Variants in RIMS2 observed in about 807,000 individuals in gnomAD.
RIMS2 encodes regulating synaptic membrane exocytosis protein 2.
A neutral mutation model predicts 174.4 loss-of-function variants in RIMS2; 59 were observed. The ratio of observed to expected loss-of-function variants is 0.34; its 90% CI spans 0.27 to 0.42. The LOEUF is 0.42. RIMS2 is among the 10% of genes least tolerant of loss of function. RIMS2 has a pLI of 1.00. For synonymous variants in RIMS2, 606 were observed against 572.5 expected, an observed-to-expected ratio of 1.06 and a Z score of -0.84; for missense variants, 1,620 against 1,666.3, an observed-to-expected ratio of 0.97 and a Z score of 0.48.
chr8:104,065,325 G>A (rs1185256427), intron 19 of RIMS2, among the ~76,000 whole-genome samples: 3 of 152,030 alleles, frequency 2.0e-5, no homozygotes, highest in African/African-American at 7.2e-5. Flanking sequence ...TCCTCAACTA[G>A]TGAACAGCCC....
At chr8:103,752,381 G>A (rs1343428706) in intron 2 of RIMS2, among the ~76,000 whole-genome samples, 3 of 152,166 alleles carry the variant, frequency 2.0e-5, no homozygotes, top group Non-Finnish European at 4.4e-5. Flanking sequence ...AAGTCAGGTA[G>A]CGTGATGCCT....
In RIMS2 at chr8:103,512,945, A is replaced by C. The variant is rs552822121; in HGVS notation, c.176+11883A>C. Among the ~76,000 whole-genome samples the C allele has an allele frequency of 9.2e-5, 14 of 152,276 alleles. No homozygotes were observed. The South Asian group carries it at 2.7e-3, about 29-fold the overall frequency. ...AAGCTGATAAACTAAATCAGCAGGAAATTTTTTTTTGAAGGTTAGGTACAA... is the reference window on the plus strand; with the variant it reads ...AAGCTGATAAACTAAATCAGCAGGACATTTTTTTTTGAAGGTTAGGTACAA... On this transcript the variant is annotated intron_variant, in intron 1 of 23. Coordinates refer to ENST00000504942, the Ensembl canonical transcript of RIMS2.
intron 3 of RIMS2, among the ~76,000 whole-genome samples, chr8:103,882,475 G>T (rs1294614644): frequency 6.6e-6 from 1 of 151,550 alleles, no homozygotes; most frequent in Non-Finnish European, 1.5e-5. Flanking sequence ...CTCGCATAGT[G>T]TTAACATACT....
intron 19 of RIMS2, among the ~76,000 whole-genome samples, chr8:104,205,882 A>G (rs534826726): frequency 1.7e-4 from 26 of 152,052 alleles, no homozygotes; most frequent in African/African-American, 6.0e-4. Context: ...CAGCCTCCCA[A>G]GTAGCTGGGA....
At chr8:104,097,060 T>C (rs1437736702) in intron 19 of RIMS2, among the ~76,000 whole-genome samples, 3 of 152,186 alleles carry the variant, frequency 2.0e-5, no homozygotes, top group African/African-American at 7.2e-5. Context: ...ACAGATTGTT[T>C]AAACATTAAT....
At chr8:104,053,096 C>G (rs1230679961) in intron 19 of RIMS2, among the ~76,000 whole-genome samples, 1 of 152,102 alleles carries the variant, frequency 6.6e-6, no homozygotes, top group African/African-American at 2.4e-5. Flanking sequence ...TTCTAGTAAC[C>G]TTTGAGAGAT....
chr8:103,910,183 G>A (rs767585387), exon 5 of RIMS2: 2 of 1,610,842 alleles, frequency 1.2e-6, no homozygotes, highest in East Asian at 4.5e-5. Flanking sequence ...ATAGCAGTGA[G>A]GCATCCCCAA....
chr8:104,150,301 G>T lies in RIMS2; in HGVS notation c.3335-94615G>T, dbSNP rs538943165. Among the ~76,000 whole-genome samples, 46 of 152,206 alleles carry T rather than the reference G, an allele frequency of 3.0e-4. 1 individual carries two copies. The South Asian group carries it at 4.6e-3, about 15-fold the overall frequency. ...AAATAATTAATTCCATTCACTCAGG[G>T]TTCTTATTTATAAGTATTGAACGCT... On this transcript the variant is annotated intron_variant, in intron 19 of 23. Transcript: ENST00000504942.
intron 19 of RIMS2, among the ~76,000 whole-genome samples, chr8:104,085,800 A>G (rs2097527178): frequency 1.3e-5 from 2 of 152,276 alleles, no homozygotes; most frequent in African/African-American, 4.8e-5. Context: ...CCTACAGTGC[A>G]GGGAACATAA....
rs1308063347 is a variant in RIMS2 at position 103,872,149 on chromosome 8, T to C, written c.699-13149T>C. On this transcript the variant is annotated intron_variant, in intron 3 of 23. Coordinates refer to ENST00000504942, the Ensembl canonical transcript of RIMS2. ...TCCATGGCTGAGTTTAAGCTACCAATGTGACATCACTGAACACAGAATTGG... is the reference window on the plus strand; with the variant it reads ...TCCATGGCTGAGTTTAAGCTACCAACGTGACATCACTGAACACAGAATTGG... Among the ~76,000 whole-genome samples, 5 of 152,340 alleles carry C rather than the reference T, an allele frequency of 3.3e-5. No homozygotes were observed. The East Asian group carries it at 7.7e-4, about 24-fold the overall frequency.
intron 2 of RIMS2, among the ~76,000 whole-genome samples, chr8:103,765,327 A>G (rs930307498): frequency 4.6e-5 from 7 of 152,142 alleles, no homozygotes; most frequent in African/African-American, 1.7e-4. Flanking sequence ...TCTGAAAAAT[A>G]TATCTGTAGA....
intron 1 of RIMS2, among the ~76,000 whole-genome samples, chr8:103,675,711 T>A (rs770112418): frequency 4.9e-4 from 74 of 152,204 alleles, no homozygotes; most frequent in Non-Finnish European, 9.8e-4. Context: ...CATTCTTATT[T>A]TTTTTACCAA....
chr8:103,912,268 T>A (rs17816538), intron 6 of RIMS2, 96 bp downstream of exon 9: 46,532 of 817,154 alleles, frequency 0.057, 1,613 homozygotes, highest in Non-Finnish European at 0.062. Flanking sequence ...AATTTAGTAG[T>A]GTATTTTTCC....
intron 19 of RIMS2, among the ~76,000 whole-genome samples, chr8:104,119,917 TGTACTTAA>T (rs2098344351): frequency 2.0e-5 from 3 of 152,236 alleles, no homozygotes; most frequent in Admixed American, 1.3e-4. Context: ...GAGCTCCATT[TGTACTTAA>T]GGACAGTAAG....
At chr8:103,847,209 G>A (rs909408748) in intron 3 of RIMS2, among the ~76,000 whole-genome samples, 1 of 152,090 alleles carries the variant, frequency 6.6e-6, no homozygotes, top group Non-Finnish European at 1.5e-5. Context: ...TGGATAACTG[G>A]CAGTAATGGT....
intron 1 of RIMS2, among the ~76,000 whole-genome samples, chr8:103,657,392 C>T (rs994113801): frequency 8.5e-5 from 13 of 152,144 alleles, no homozygotes; most frequent in African/African-American, 2.9e-4. Flanking sequence ...CACTTTTGCT[C>T]ACAGATTATT....
At chr8:103,768,664 A>T in intron 3 of RIMS2, 1 of 812,842 alleles carries the variant, frequency 1.2e-6, no homozygotes, top group Non-Finnish European at 2.2e-6. Flanking sequence ...TGATACTACG[A>T]TGCCTCATCA....
chr8:103,605,506 T>C (rs1426891311), intron 1 of RIMS2, among the ~76,000 whole-genome samples: 1 of 151,320 alleles, frequency 6.6e-6, no homozygotes, highest in African/African-American at 2.4e-5. Flanking sequence ...AGGATGATGC[T>C]GGCCTCATAA....
chr8:104,049,126 T>C (rs1161686523), intron 19 of RIMS2, among the ~76,000 whole-genome samples: 1 of 139,828 alleles, frequency 7.2e-6, no homozygotes, highest in Admixed American at 7.2e-5. Context: ...GATTTTTCTT[T>C]AAAAAAAAAA....
Sources: gnomAD v4.1 joint callset for allele counts (sites outside exome capture counted in the v4.1 genomes callset) on GRCh38, gnomAD v4.1.1 for gene constraint, MANE v1.5 for transcripts, NCBI Gene and HGNC (gene_info 2026-07-23, HGNC 2026-07-21) for gene names.